The following PYHIN1 variants were observed in gnomAD, a reference collection of about 807,000 sequenced individuals.
PYHIN1 encodes pyrin and HIN domain-containing protein 1.
Under a neutral mutation model 43.7 loss-of-function variants are expected in PYHIN1, and 32 were observed. The ratio of observed to expected loss-of-function variants is 0.73; its 90% CI spans 0.55 to 0.98. The LOEUF (loss-of-function observed/expected upper bound fraction) is 0.98. Ranked by LOEUF, PYHIN1 falls within the 50% of genes least tolerant of loss-of-function variation. The pLI is 0.00. For missense variants in PYHIN1, 588 were observed against 589.5 expected (o/e 1.00, Z 0.03); for synonymous variants, 205 against 203.1 (o/e 1.01, Z -0.08).
rs944697046 is a variant in PYHIN1, at chr1:158,953,319, C to G, written c.1359+8277C>G. On this transcript the variant is annotated intron_variant, in intron 7 of 8. Coordinates refer to ENST00000368140, the MANE Select transcript of PYHIN1 (RefSeq NM_152501.5). ...GGCAGGGCACAGACAAACAAAAAGA[C>G]AGCAGTAAACTCTGCAGACTTAAAT... Among the ~76,000 whole-genome samples, 3 of 149,286 alleles carry G rather than the reference C, an allele frequency of 2.0e-5. No homozygotes were observed. The South Asian group carries it at 6.5e-4, about 32-fold the overall frequency.
chr1:158,937,219 C>T (rs1220185819), intron 2 of PYHIN1, 44 bp downstream of exon 2: 1 of 1,517,518 alleles, frequency 6.6e-7, no homozygotes, highest in African/African-American at 1.4e-5. Flanking sequence ...ATGATCCCCA[C>T]CCTTCCCAAC....
Position 158,933,074 on chromosome 1 carries a change from A to T in PYHIN1, c.-21+1298A>T, listed in dbSNP as rs1166997798. ...TACCTTGTTCATTTAGTATTGGAAG[A>T]TATAATATAGAACCTCCTATTATAA... On this transcript the variant is annotated intron_variant, in intron 1 of 8. Transcript: ENST00000368140. The surrounding 1 kb of genome is among the most constrained non-coding windows in gnomAD (Gnocchi z 6.3). 6.6e-6 allele frequency among the ~76,000 whole-genome samples: 1 copy of T among 151,834 alleles called. No homozygotes were observed. The highest frequency in any genetic ancestry group is 1.5e-5 in the Non-Finnish European group (1 of 67,896).
chr1:158,984,724 A>G, the PYHIN1 span, among the ~76,000 whole-genome samples: 1 of 152,102 alleles, frequency 6.6e-6, no homozygotes, highest in Non-Finnish European at 1.5e-5. Flanking sequence ...TCCCTCAATG[A>G]TTTATCTAAC....
At chr1:158,935,372 G>GA (rs1223181412) in intron 1 of PYHIN1, among the ~76,000 whole-genome samples, 1 of 151,134 alleles carries the variant, frequency 6.6e-6, no homozygotes, top group Non-Finnish European at 1.5e-5. Flanking sequence ...GTATTGAAAA[G>GA]AAAATGGGCA....
At chr1:158,985,090 G>C in the PYHIN1 span, among the ~76,000 whole-genome samples, 1 of 152,116 alleles carries the variant, frequency 6.6e-6, no homozygotes, top group South Asian at 2.1e-4. Context: ...ATGTAATTGA[G>C]TCTTGCTTCT....
chr1:158,975,274 A>G (rs535322723), intron 8 of PYHIN1, among the ~76,000 whole-genome samples: 45 of 152,152 alleles, frequency 3.0e-4, no homozygotes, highest in African/African-American at 1.0e-3. Context: ...AAATTTTTCT[A>G]TGCTTTTGGA....
chr1:158,983,557 G>A, the PYHIN1 span, among the ~76,000 whole-genome samples: 2 of 151,896 alleles, frequency 1.3e-5, no homozygotes, highest in African/African-American at 4.8e-5. Flanking sequence ...TTTTTTTGAG[G>A]ACTTTTGCAT....
intron 7 of PYHIN1, among the ~76,000 whole-genome samples, chr1:158,971,093 T>A (rs555653681): frequency 6.6e-6 from 1 of 152,132 alleles, no homozygotes; most frequent in South Asian, 2.1e-4. Flanking sequence ...TTTACATTTG[T>A]TTTTATAATC....
chr1:158,961,468 A>T (rs1650313311), intron 7 of PYHIN1, among the ~76,000 whole-genome samples: 1 of 152,170 alleles, frequency 6.6e-6, no homozygotes. Context: ...TAGAGAGAAG[A>T]GAGTAGCAAG....
In PYHIN1 at chr1:158,942,295, G is replaced by A; in HGVS notation, c.898G>A (p.Val300Ile). The change falls in exon 5 of 9, where the codon GTT becomes ATT. Residue 300 changes from valine (V) to isoleucine (I), a missense_variant. By Grantham distance (29) the Val-to-Ile change is conservative (BLOSUM62 3). Coordinates refer to ENST00000368140, the MANE Select transcript of PYHIN1 (RefSeq NM_152501.5). ...AGCTGGTCCTGACCAAACGTTTGAG[G>A]TTCCAAAGGACATCATCAGAAGAGC... is the stretch of plus-strand genomic sequence containing the variant. ...SEAGPDQTFE[V>I]PKDIIRRAKK... 1 of 1,613,992 alleles carries A rather than the reference G, an allele frequency of 6.2e-7. No individual in the cohort carries two copies. Among genetic ancestry groups the A allele is most frequent in the Non-Finnish European group, 8.5e-7 (1 of 1,179,948 alleles).
chr1:158,971,796 T>A (rs1409185348), intron 7 of PYHIN1, among the ~76,000 whole-genome samples: 1 of 151,920 alleles, frequency 6.6e-6, no homozygotes, highest in African/African-American at 2.4e-5. Flanking sequence ...TTAGCCTAGA[T>A]GAGTTTTCAC....
At chr1:158,945,170 T>C (rs1313946565) in intron 7 of PYHIN1, 128 bp downstream of exon 7, 9 of 937,340 alleles carry the variant, frequency 9.6e-6, no homozygotes, top group Non-Finnish European at 1.6e-6. Context: ...AAATCACCCA[T>C]GTATTTATTG....
the PYHIN1 span, among the ~76,000 whole-genome samples, chr1:158,989,489 A>C: frequency 2.6e-5 from 4 of 152,210 alleles, 1 homozygote; most frequent in Admixed American, 2.6e-4. Flanking sequence ...CATTAGGCTA[A>C]TTATTGTCTA....
At chr1:158,988,701 T>C in the PYHIN1 span, among the ~76,000 whole-genome samples, 1 of 152,132 alleles carries the variant, frequency 6.6e-6, no homozygotes, top group Non-Finnish European at 1.5e-5. Context: ...CTAAGCACAA[T>C]GTTGAAGGAA....
intron 7 of PYHIN1, among the ~76,000 whole-genome samples, chr1:158,967,263 A>C (rs1314800011): frequency 2.0e-5 from 3 of 152,038 alleles, no homozygotes; most frequent in Non-Finnish European, 4.4e-5. Context: ...TGTGACAGGC[A>C]CTGTGTACAT....
At chr1:158,970,528 TA>T (rs1296757195) in intron 7 of PYHIN1, among the ~76,000 whole-genome samples, 1 of 152,010 alleles carries the variant, frequency 6.6e-6, no homozygotes, top group Non-Finnish European at 1.5e-5. Context: ...AAGATAACTG[TA>T]ATATCTGATC....
intron 7 of PYHIN1, among the ~76,000 whole-genome samples, chr1:158,952,844 G>A (rs908687238): frequency 5.9e-5 from 9 of 152,180 alleles, no homozygotes; most frequent in African/African-American, 9.6e-5. Flanking sequence ...CTGAGGTACC[G>A]AGTTCATCTC....
intron 8 of PYHIN1, among the ~76,000 whole-genome samples, chr1:158,975,988 A>G (rs921195540): frequency 1.3e-5 from 2 of 152,122 alleles, no homozygotes; most frequent in Non-Finnish European, 2.9e-5. Flanking sequence ...TTTGTGGTAC[A>G]CAATGAACAG....
chr1:158,943,962 T>G lies in PYHIN1; in HGVS notation c.1175T>G (p.Met392Arg). 6.2e-7 allele frequency: 1 copy of G among 1,602,684 alleles called. No homozygotes were observed. The highest frequency in any genetic ancestry group is 8.5e-7 in the Non-Finnish European group (1 of 1,172,514). The change falls in exon 6 of 9, where the codon ATG (methionine) becomes AGG (arginine). Residue 392 changes from methionine to arginine, a missense_variant. Physicochemically the swap from Met to Arg is moderately conservative, Grantham distance 91. Coordinates refer to ENST00000368140, the MANE Select transcript of PYHIN1 (RefSeq NM_152501.5). ...AATATGTCAAAACTGATGTCAGAAA[T>G]GCATAGTTTCATCCAGGTGAGAAAT... ...RENMSKLMSE[M>R]HSFIQIQKNT...
Sources: allele counts gnomAD v4.1 joint callset (sites outside exome capture counted in the v4.1 genomes callset), GRCh38; gene constraint gnomAD v4.1.1; non-coding constraint Gnocchi (gnomAD v3.1); transcripts MANE v1.5; gene names NCBI Gene and HGNC (gene_info 2026-07-23, HGNC 2026-07-21).